Variants in SRBD1 observed in about 807,000 individuals in gnomAD.
The protein encoded by SRBD1 is S1 RNA-binding domain-containing protein 1.
A neutral mutation model predicts 115.3 loss-of-function variants in SRBD1; 88 were observed. That is an observed-to-expected ratio of 0.76 (90% CI 0.64 to 0.91). SRBD1 has a LOEUF of 0.91. SRBD1 is among the 40% of genes least tolerant of loss of function. The pLI is 0.00. For missense variants in SRBD1, 1,385 were observed against 1,177.4 expected (o/e 1.18, Z -2.58); for synonymous variants, 509 against 407.7 (o/e 1.25, Z -2.99).
chr2:45,570,541 C>T (rs905109897), intron 9 of SRBD1, among the ~76,000 whole-genome samples: 1 of 152,144 alleles, frequency 6.6e-6, no homozygotes, highest in Non-Finnish European at 1.5e-5. Context: ...ACTCTAAATT[C>T]CATCCCTCCA....
At chr2:45,455,783 G>C (rs950961210) in intron 16 of SRBD1, among the ~76,000 whole-genome samples, 1 of 151,698 alleles carries the variant, frequency 6.6e-6, no homozygotes, top group African/African-American at 2.4e-5. Flanking sequence ...AAATAACAGT[G>C]GTGATTTTGT....
chr2:45,428,541 G>T (rs1197461989), intron 16 of SRBD1, among the ~76,000 whole-genome samples: 1 of 151,020 alleles, frequency 6.6e-6, no homozygotes, highest in Admixed American at 6.6e-5. Flanking sequence ...GACAGAACGA[G>T]ACTCCGTCTC....
intron 4 of SRBD1, among the ~76,000 whole-genome samples, chr2:45,591,597 G>A (rs1445159810): frequency 6.6e-6 from 1 of 152,090 alleles, no homozygotes. Flanking sequence ...TGGAAAGGTG[G>A]ATGAGGCTAC....
At chr2:45,494,305 T>C (rs1395182169) in intron 14 of SRBD1, among the ~76,000 whole-genome samples, 1 of 152,182 alleles carries the variant, frequency 6.6e-6, no homozygotes, top group Non-Finnish European at 1.5e-5. Context: ...AATACTCATA[T>C]GTAATCAGAA....
At chr2:45,545,472 C>G (rs1164659118) in intron 14 of SRBD1, among the ~76,000 whole-genome samples, 1 of 151,804 alleles carries the variant, frequency 6.6e-6, no homozygotes, top group African/African-American at 2.4e-5. Context: ...GAAAGTTGTA[C>G]TTATAACCAC....
At chr2:45,527,135 T>C (rs964322340) in intron 14 of SRBD1, among the ~76,000 whole-genome samples, 1 of 151,892 alleles carries the variant, frequency 6.6e-6, no homozygotes, top group African/African-American at 2.4e-5. Context: ...CAGAAGGTTC[T>C]TACATATAAA....
intron 6 of SRBD1, 115 bp downstream of exon 6, chr2:45,581,578 A>T: frequency 1.4e-6 from 1 of 716,302 alleles, no homozygotes; most frequent in Non-Finnish European, 2.3e-6. Context: ...TTGTTGCATT[A>T]AATAATGGTG....
At chr2:45,522,985 G>A (rs1470612607) in intron 14 of SRBD1, among the ~76,000 whole-genome samples, 4 of 151,962 alleles carry the variant, frequency 2.6e-5, no homozygotes, top group Non-Finnish European at 5.9e-5. Flanking sequence ...CATTGTTCAA[G>A]GGTCAGATGT....
rs140293219 is a variant in SRBD1 at position 45,579,898 on chromosome 2, G to A, written c.1049C>T (p.Ser350Leu). 155 of 1,603,254 alleles carry A rather than the reference G, an allele frequency of 9.7e-5. 1 individual carries two copies. The highest frequency in any genetic ancestry group is 1.2e-4 in the South Asian group (11 of 89,364). ...ACCTTTAACGTCAGGCCTAATGTACGATAGCAGACTGAGCTCCCCTGGTTT... is the reference window on the plus strand; with the variant it reads ...ACCTTTAACGTCAGGCCTAATGTACAATAGCAGACTGAGCTCCCCTGGTTT... ...LEKPGELSLL[S>L]YIRPDVKGLS... is the part of the protein sequence containing the mutation. Residue 350 changes from serine (S) to leucine (L), a missense_variant, in exon 7 of 21, where the codon TCG (serine) becomes TTG (leucine). Ser to Leu is a moderately radical substitution (Grantham distance 145, BLOSUM62 -2). Transcript: ENST00000263736.
intron 16 of SRBD1, among the ~76,000 whole-genome samples, chr2:45,441,842 T>C (rs986838286): frequency 2.6e-5 from 4 of 152,138 alleles, no homozygotes. Flanking sequence ...AATTTTAAAG[T>C]GAAATTTAAG....
At chr2:45,542,796 T>G (rs771689688) in intron 14 of SRBD1, among the ~76,000 whole-genome samples, 30 of 152,134 alleles carry the variant, frequency 2.0e-4, no homozygotes, top group Non-Finnish European at 4.1e-4. Context: ...TAGCAACAAC[T>G]CGAATATCCA....
At chr2:45,604,637 C>G (rs1674209540) in intron 2 of SRBD1, among the ~76,000 whole-genome samples, 1 of 152,184 alleles carries the variant, frequency 6.6e-6, no homozygotes, top group Non-Finnish European at 1.5e-5. Flanking sequence ...GCTGCTTTCT[C>G]TATTTGGAAC....
intron 1 of SRBD1, among the ~76,000 whole-genome samples, chr2:45,605,911 A>C (rs1467723809): frequency 6.6e-6 from 1 of 151,516 alleles, no homozygotes; most frequent in East Asian, 1.9e-4. Context: ...CTCAAAAAAA[A>C]AAAAAAAAGA....
intron 14 of SRBD1, among the ~76,000 whole-genome samples, chr2:45,493,301 C>T (rs1216452826): frequency 6.6e-6 from 1 of 152,026 alleles, no homozygotes; most frequent in African/African-American, 2.4e-5. Context: ...TATGAGATAA[C>T]CTGTTCTGAA....
chr2:45,507,692 C>T, intron 14 of SRBD1, among the ~76,000 whole-genome samples: 1 of 151,794 alleles, frequency 6.6e-6, no homozygotes, highest in East Asian at 1.9e-4. Context: ...TGTACTCGAA[C>T]CTGGGCAACA....
At chr2:45,484,712 G>C (rs1273528470) in intron 15 of SRBD1, among the ~76,000 whole-genome samples, 2 of 152,134 alleles carry the variant, frequency 1.3e-5, no homozygotes, top group Non-Finnish European at 2.9e-5. Context: ...TATGCCAAAA[G>C]AAAAACCTGT....
chr2:45,607,035 G>T (rs558776637), intron 1 of SRBD1, among the ~76,000 whole-genome samples: 80 of 152,210 alleles, frequency 5.3e-4, no homozygotes, highest in Non-Finnish European at 6.9e-4. Context: ...GCAAAATAGT[G>T]CTCAGAGGGA....
chr2:45,446,637 G>C (rs925292173), intron 16 of SRBD1, among the ~76,000 whole-genome samples: 1 of 151,382 alleles, frequency 6.6e-6, no homozygotes, highest in East Asian at 1.9e-4. Context: ...GATTACAAAA[G>C]GTACAAGAAG....
intron 12 of SRBD1, 35 bp from the exon 13 acceptor site, chr2:45,547,647 G>GA (rs768329307): frequency 3.2e-6 from 5 of 1,547,918 alleles, no homozygotes; most frequent in Non-Finnish European, 4.4e-6. Context: ...CATTTTATAA[G>GA]AAATTACAAA....
Sources: gnomAD v4.1 joint callset for allele counts (sites outside exome capture counted in the v4.1 genomes callset) on GRCh38, gnomAD v4.1.1 for gene constraint, MANE v1.5 for transcripts, NCBI Gene and HGNC (gene_info 2026-07-23, HGNC 2026-07-21) for gene names.